TRIM66: variants seen among roughly 807,000 people sequenced by gnomAD.
The protein encoded by TRIM66 is tripartite motif containing 66.
TRIM66 carries 99 observed loss-of-function variants against 148.2 expected under a neutral mutation model. The ratio of observed to expected loss-of-function variants is 0.67; its 90% CI spans 0.57 to 0.79. TRIM66 has a LOEUF of 0.79. Among genes scored for constraint, TRIM66 ranks in the 30% least tolerant of loss-of-function variants. TRIM66 has a pLI of 0.00. For synonymous variants in TRIM66, 616 were observed against 635.9 expected, an observed-to-expected ratio of 0.97 and a Z score of 0.47; for missense variants, 1,666 against 1,697.9, an observed-to-expected ratio of 0.98 and a Z score of 0.33.
At chr11:8,672,625 T>C (rs890108757) in intron 4 of TRIM66, among the ~76,000 whole-genome samples, 1 of 150,098 alleles carries the variant, frequency 6.7e-6, no homozygotes, top group Non-Finnish European at 1.5e-5. Flanking sequence ...GTCTCTTTTT[T>C]TTTTTTTTTT....
intron 18 of TRIM66, 83 bp from the exon 19 acceptor site, chr11:8,621,902 G>A: frequency 7.6e-7 from 1 of 1,320,692 alleles, no homozygotes; most frequent in Non-Finnish European, 1.0e-6. Context: ...CATGATCCCT[G>A]TGATGATTAA....
At chr11:8,664,954 C>T (rs1049285309) in intron 6 of TRIM66, among the ~76,000 whole-genome samples, 3 of 152,030 alleles carry the variant, frequency 2.0e-5, no homozygotes, top group African/African-American at 7.2e-5. Flanking sequence ...AGCAACTGCT[C>T]GGCTCTGCCC....
In TRIM66 at chr11:8,625,107, G is replaced by A. The variant is rs935649389; in HGVS notation, c.2432C>T (p.Ala811Val). The stretch of plus-strand genomic sequence containing the variant: ...CAGCAGGCTTGGTACTGCCTGGGGG[G>A]CACCAGCTGTCAGGTTGCTCACACT... ...IQSVSNLTAG[A>V]PQAVPSLLSA... The change falls in exon 16 of 25, where the codon GCC (alanine) becomes GTC (valine). Residue 811 changes from alanine to valine, a missense_variant. Coordinates refer to ENST00000646038, the MANE Select transcript of TRIM66 (RefSeq NM_001388022.1). 4 of 1,551,696 alleles carry A rather than the reference G, an allele frequency of 2.6e-6. No individual in the cohort carries two copies. The highest frequency in any genetic ancestry group is 2.6e-6 in the Non-Finnish European group (3 of 1,146,964).
chr11:8,653,145 G>A (rs2037510130), intron 6 of TRIM66, among the ~76,000 whole-genome samples: 2 of 152,132 alleles, frequency 1.3e-5, no homozygotes, highest in Non-Finnish European at 2.9e-5. Flanking sequence ...TAGTTTGAGT[G>A]GTAGATTCAA....
At chr11:8,661,102 C>T (rs1283078109) in intron 6 of TRIM66, among the ~76,000 whole-genome samples, 5 of 152,188 alleles carry the variant, frequency 3.3e-5, no homozygotes, top group Admixed American at 3.3e-4. Flanking sequence ...GAAGCATAAT[C>T]ACAGTAGCAA....
intron 15 of TRIM66, among the ~76,000 whole-genome samples, chr11:8,628,279 A>C (rs2035042282): frequency 6.6e-6 from 1 of 152,154 alleles, no homozygotes; most frequent in South Asian, 2.1e-4. Context: ...TCAATATTTC[A>C]TCACTAAGTA....
chr11:8,617,716 A>G lies in TRIM66; in HGVS notation c.*228T>C. On this transcript the variant is annotated 3_prime_UTR_variant, in exon 25 of 25. Coordinates refer to ENST00000646038, the MANE Select transcript of TRIM66 (RefSeq NM_001388022.1). The stretch of plus-strand genomic sequence containing the variant: ...GCCTATACATCTGATTACTCTGGTA[A>G]TAATAAATACCTTCCTCTTTCCTGT... The G allele has an allele frequency of 1.9e-6, 1 of 534,210 alleles. No individual in the cohort carries two copies. The highest frequency in any genetic ancestry group is 3.3e-6 in the Non-Finnish European group (1 of 301,158). The allele number at this position is 534,210 out of a possible 1,614,324, so 33.1% of individuals were successfully genotyped here. A position where few individuals can be genotyped will look rare whatever the true frequency, so the allele number is the denominator to read the frequency against.
chr11:8,664,416 G>A (rs2038458360), intron 6 of TRIM66, among the ~76,000 whole-genome samples: 1 of 152,118 alleles, frequency 6.6e-6, no homozygotes, highest in South Asian at 2.1e-4. Flanking sequence ...CCACAATGTC[G>A]ATCGCAAGCT....
intron 6 of TRIM66, among the ~76,000 whole-genome samples, chr11:8,662,872 C>T (rs990060074): frequency 1.3e-5 from 2 of 152,278 alleles, no homozygotes; most frequent in Admixed American, 1.3e-4. Flanking sequence ...ACAGAGCCAG[C>T]ATATGGTAAG....
At chr11:8,632,573 T>C (rs1478834015) in intron 15 of TRIM66, among the ~76,000 whole-genome samples, 1 of 149,246 alleles carries the variant, frequency 6.7e-6, no homozygotes, top group Non-Finnish European at 1.5e-5. Flanking sequence ...TTCTCCTGCC[T>C]CAGCCTCCCA....
chr11:8,651,086 C>T (rs2037315668), intron 7 of TRIM66, among the ~76,000 whole-genome samples: 2 of 152,108 alleles, frequency 1.3e-5, no homozygotes, highest in South Asian at 2.1e-4. Flanking sequence ...AAAAGTTGGC[C>T]TATCTGTGTC....
chr11:8,639,008 T>A (rs1379665416), intron 14 of TRIM66, among the ~76,000 whole-genome samples, 193 bp from the exon 15 acceptor site: 1 of 152,212 alleles, frequency 6.6e-6, no homozygotes, highest in Non-Finnish European at 1.5e-5. Flanking sequence ...CTAATGGGAA[T>A]GTCTTAGGAT....
rs1476667610 is a variant in TRIM66 at position 8,615,227 on chromosome 11, C to A, written c.*2717G>T. On this transcript the variant is annotated 3_prime_UTR_variant, in exon 25 of 25. Coordinates refer to ENST00000646038, the MANE Select transcript of TRIM66 (RefSeq NM_001388022.1). ...TACAGGCGTGAGCCACCGCGCCCAGCCAAAAAATAAAATAAAATTTAAAAA... is the reference window on the plus strand; with the variant it reads ...TACAGGCGTGAGCCACCGCGCCCAGACAAAAAATAAAATAAAATTTAAAAA... 6.6e-6 allele frequency: 1 copy of A among 152,078 alleles called. No homozygotes were observed. Among genetic ancestry groups the A allele is most frequent in the Non-Finnish European group, 1.5e-5 (1 of 68,010 alleles). The allele number at this position is 152,078 out of a possible 1,614,324, so 9.4% of individuals were successfully genotyped here.
chr11:8,628,299 T>C (rs1246453559), intron 15 of TRIM66, among the ~76,000 whole-genome samples: 1 of 152,138 alleles, frequency 6.6e-6, no homozygotes, highest in Non-Finnish European at 1.5e-5. Context: ...AGATTTGATG[T>C]AGATTTTTTT....
chr11:8,641,274 A>G, intron 13 of TRIM66, 122 bp from the exon 14 acceptor site: 1 of 898,730 alleles, frequency 1.1e-6, no homozygotes, highest in East Asian at 2.7e-5. Context: ...GAGATTAAGA[A>G]ACTCAACCCT....
At position 8,668,734 on chromosome 11, in the gene TRIM66, C is replaced by T. The variant is rs530618062; in HGVS notation, c.340+3052G>A. 1.7e-4 allele frequency among the ~76,000 whole-genome samples: 26 copies of T among 152,094 alleles called. No homozygotes were observed. In the East Asian group the frequency reaches 4.3e-3, roughly 25 times the overall value. On this transcript the variant is annotated intron_variant, in intron 6 of 24. Coordinates refer to ENST00000646038, the MANE Select transcript of TRIM66 (RefSeq NM_001388022.1). ...CCGAGTAGCTGGGATTACAGGCGCA[C>T]GCTGCCACGCCCAGCCAACTTTTTG...
At chr11:8,683,063 C>T, upstream of TRIM66, 3 of 959,460 alleles carry the variant, frequency 3.1e-6, no homozygotes, top group Non-Finnish European at 3.2e-6. Flanking sequence ...CGGCCCTGAG[C>T]GGATCGGTAC....
At chr11:8,630,499 T>G (rs899851297) in intron 15 of TRIM66, among the ~76,000 whole-genome samples, 2 of 152,198 alleles carry the variant, frequency 1.3e-5, no homozygotes, top group African/African-American at 2.4e-5. Flanking sequence ...ATTTTGAGAT[T>G]CACTACTGAA....
intron 15 of TRIM66, among the ~76,000 whole-genome samples, chr11:8,629,736 G>A (rs1179496393): frequency 6.6e-6 from 1 of 152,134 alleles, no homozygotes; most frequent in Admixed American, 6.5e-5. Flanking sequence ...GACAATACGA[G>A]GTCAGCAATA....
Sources: gnomAD v4.1 joint callset for allele counts (sites outside exome capture counted in the v4.1 genomes callset) on GRCh38, gnomAD v4.1.1 for gene constraint, MANE v1.5 for transcripts, NCBI Gene and HGNC (gene_info 2026-07-23, HGNC 2026-07-21) for gene names.